Variants in UVSSA observed in about 807,000 individuals in gnomAD.
UVSSA encodes UV-stimulated scaffold protein A.
A neutral mutation model predicts 73.9 loss-of-function variants in UVSSA; 72 were observed. The ratio of observed to expected loss-of-function variants is 0.97; its 90% CI spans 0.81 to 1.19. UVSSA has a LOEUF of 1.19. Among genes scored for constraint, UVSSA ranks in the 50% most tolerant of loss-of-function variants. UVSSA has a pLI of 0.00. For missense variants in UVSSA, 1,150 were observed against 965.0 expected, an observed-to-expected ratio of 1.19 and a Z score of -2.54; for synonymous variants, 454 against 391.3, an observed-to-expected ratio of 1.16 and a Z score of -1.89.
chr4:1,389,213 A>C (rs1007453326), downstream of UVSSA: 1 of 152,092 alleles, frequency 6.6e-6, no homozygotes, highest in African/African-American at 2.4e-5. Context: ...AATTTTTTTA[A>C]CTGACAAGGT....
At chr4:1,350,162 A>G (rs898530069) in intron 3 of UVSSA, among the ~76,000 whole-genome samples, 23 of 152,206 alleles carry the variant, frequency 1.5e-4, no homozygotes, top group Non-Finnish European at 8.8e-5. Flanking sequence ...AGCCAAATCC[A>G]ACTTTTCAGA....
At chr4:1,349,021 G>GGGCGGTTGGC in intron 2 of UVSSA, among the ~76,000 whole-genome samples, 4 of 76,514 alleles carry the variant, frequency 5.2e-5, no homozygotes, top group African/African-American at 9.2e-5. Context: ...GGCGGTGTGC[G>GGGCGGTTGGC]GTTTGTGCCA....
exon 14 of UVSSA, chr4:1,394,504 C>G: frequency 6.2e-7 from 1 of 1,614,188 alleles, no homozygotes; most frequent in Middle Eastern, 1.6e-4. Context: ...GGTGTCCCTG[C>G]ACCTCTTATG....
At chr4:1,357,539 G>A (rs1488619883) in intron 7 of UVSSA, among the ~76,000 whole-genome samples, 2 of 152,244 alleles carry the variant, frequency 1.3e-5, no homozygotes, top group African/African-American at 2.4e-5. Context: ...GGGTGAGGAT[G>A]AGGAGCTGCC....
At chr4:1,380,518 T>C in intron 11 of UVSSA, 1 of 928,250 alleles carries the variant, frequency 1.1e-6, no homozygotes, top group Non-Finnish European at 1.6e-6. Context: ...GCAGCCCGGG[T>C]CTGTGCTGGG....
intron 10 of UVSSA, among the ~76,000 whole-genome samples, chr4:1,376,692 G>A (rs1250813727): frequency 6.6e-6 from 1 of 152,188 alleles, no homozygotes; most frequent in East Asian, 1.9e-4. Flanking sequence ...GGGGGCACAC[G>A]GGGGTCATCT....
chr4:1,394,291 TATCA>T, exon 14 of UVSSA: 11 of 870,320 alleles, frequency 1.3e-5, no homozygotes, highest in Non-Finnish European at 1.7e-5. Context: ...GTAGTTGAAT[TATCA>T]ATCTTTCTTG....
At chr4:1,371,007 C>G (rs1717960823) in intron 8 of UVSSA, among the ~76,000 whole-genome samples, 1 of 152,198 alleles carries the variant, frequency 6.6e-6, no homozygotes, top group Non-Finnish European at 1.5e-5. Flanking sequence ...GTTCTCATGC[C>G]TCCTCATTCT....
chr4:1,395,701 C>G (rs757377224), exon 14 of UVSSA: 1 of 1,614,190 alleles, frequency 6.2e-7, no homozygotes, highest in South Asian at 1.1e-5. Context: ...CCCGCCTGCT[C>G]ACACAAAGCC....
chr4:1,395,241 G>T (rs566932644), exon 14 of UVSSA: 3 of 1,473,044 alleles, frequency 2.0e-6, no homozygotes, highest in East Asian at 2.3e-5. Context: ...CTGCTCACAC[G>T]TGCCCATGTG....
chr4:1,364,565 G>C (rs1364455254), intron 7 of UVSSA, among the ~76,000 whole-genome samples: 2 of 152,240 alleles, frequency 1.3e-5, no homozygotes, highest in Non-Finnish European at 2.9e-5. Context: ...GCTTTTTAGA[G>C]ATGCAGGTGT....
At chr4:1,345,403 G>C (rs1181381883), upstream of UVSSA, among the ~76,000 whole-genome samples, 5 of 152,142 alleles carry the variant, frequency 3.3e-5, no homozygotes, top group African/African-American at 1.2e-4. Flanking sequence ...CCAGCACTTT[G>C]GGAGGCCGAG....
chr4:1,347,091 C>T (rs530771506), upstream of UVSSA, among the ~76,000 whole-genome samples: 4 of 151,960 alleles, frequency 2.6e-5, no homozygotes, highest in South Asian at 8.3e-4. Context: ...GCGGTAGGTG[C>T]AGTCGTCGCT....
chr4:1,354,898 A>G (rs1385186024), intron 6 of UVSSA, 51 bp downstream of exon 6: 2 of 1,322,448 alleles, frequency 1.5e-6, no homozygotes, highest in African/African-American at 1.7e-5. Flanking sequence ...GCAGAGTGCC[A>G]TGCATGGGGG....
At chr4:1,367,728 G>A (rs958682330) in intron 8 of UVSSA, among the ~76,000 whole-genome samples, 1 of 152,142 alleles carries the variant, frequency 6.6e-6, no homozygotes, top group East Asian at 1.9e-4. Flanking sequence ...GCTTCTCCAG[G>A]GGCAGGCAGG....
chr4:1,367,625 G>A (rs1034772710), intron 8 of UVSSA, among the ~76,000 whole-genome samples: 3 of 152,100 alleles, frequency 2.0e-5, no homozygotes, highest in African/African-American at 7.2e-5. Flanking sequence ...GAGCTTGAGG[G>A]TCTGGAAGAA....
rs752387779 is a variant in UVSSA, at chr4:1,380,993, G to A, written c.1861+5G>A. ...TGCAGAAGCAGGAGCGCCCGGGTAG[G>A]TCTGGGCAAGGCGGTCACCGTGGGA... On this transcript the variant is annotated splice_donor_5th_base_variant and intron_variant, in intron 12 of 13. Coordinates refer to ENST00000389851, the MANE Select transcript of UVSSA (RefSeq NM_020894.4). 3 of 1,610,818 alleles carry A rather than the reference G, an allele frequency of 1.9e-6. No individual in the cohort carries two copies. Among genetic ancestry groups the A allele is most frequent in the Admixed American group, 3.3e-5 (2 of 59,850 alleles).
At chr4:1,343,587 GAC>G (rs1713507154), upstream of UVSSA, among the ~76,000 whole-genome samples, 1 of 152,072 alleles carries the variant, frequency 6.6e-6, no homozygotes, top group Non-Finnish European at 1.5e-5. Context: ...AGGAATTCGA[GAC>G]CAGCCTGACC....
At chr4:1,362,544 C>T (rs796935537) in intron 7 of UVSSA, among the ~76,000 whole-genome samples, 2 of 152,372 alleles carry the variant, frequency 1.3e-5, no homozygotes, top group African/African-American at 4.8e-5. Flanking sequence ...ATTTTGTAGA[C>T]ATCTCCAGCC....
Sources: gnomAD v4.1 joint callset for allele counts (sites outside exome capture counted in the v4.1 genomes callset) on GRCh38, gnomAD v4.1.1 for gene constraint, MANE v1.5 for transcripts, NCBI Gene and HGNC (gene_info 2026-07-23, HGNC 2026-07-21) for gene names.